PON3: variants seen among roughly 807,000 people sequenced by gnomAD.
PON3 encodes paraoxonase 3.
A neutral mutation model predicts 36.3 loss-of-function variants in PON3; 37 were observed. That is an observed-to-expected ratio of 1.02 (90% CI 0.78 to 1.34). The LOEUF (loss-of-function observed/expected upper bound fraction) is 1.34, where lower values mean the gene tolerates loss of function less well. PON3 is among the 40% of genes most tolerant of loss of function. PON3 has a pLI of 0.00. For missense variants in PON3, 415 were observed against 426.5 expected (o/e 0.97, Z 0.24); for synonymous variants, 155 against 154.8 (o/e 1.00, Z -0.01).
intron 7 of PON3, 94 bp from the exon 8 acceptor site, chr7:95,362,584 A>G: frequency 6.3e-7 from 1 of 1,580,596 alleles, no homozygotes; most frequent in Non-Finnish European, 8.7e-7. Flanking sequence ...TTCTTCTGGC[A>G]CCTAAAGTTG....
intron 4 of PON3, among the ~76,000 whole-genome samples, chr7:95,371,803 A>C (rs1254150224): frequency 6.6e-6 from 1 of 151,980 alleles, no homozygotes; most frequent in Non-Finnish European, 1.5e-5. Flanking sequence ...TGATGAGTCT[A>C]ATTTGTTTTT....
chr7:95,366,605 T>C (rs1243304134), intron 5 of PON3, among the ~76,000 whole-genome samples: 1 of 152,234 alleles, frequency 6.6e-6, no homozygotes, highest in Non-Finnish European at 1.5e-5. Flanking sequence ...CTTTATTGTT[T>C]GCTACAGCCT....
intron 3 of PON3, among the ~76,000 whole-genome samples, chr7:95,388,762 A>T (rs1247021744): frequency 1.3e-5 from 2 of 152,234 alleles, no homozygotes; most frequent in African/African-American, 4.8e-5. Flanking sequence ...TGCAGCCATA[A>T]AAGAGGATGA....
At chr7:95,364,913 A>G (rs1405160614) in intron 5 of PON3, 2 of 152,210 alleles carry the variant, frequency 1.3e-5, no homozygotes. Flanking sequence ...AAAGAAAAAA[A>G]AAGTGACTTG....
chr7:95,387,361 T>G (rs1809219505), intron 3 of PON3, among the ~76,000 whole-genome samples: 1 of 152,172 alleles, frequency 6.6e-6, no homozygotes, highest in Admixed American at 6.6e-5. Context: ...GAGCCAATCA[T>G]GAGTGAACTC....
intron 8 of PON3, among the ~76,000 whole-genome samples, chr7:95,361,966 C>T (rs146972483): frequency 1.3e-4 from 20 of 152,148 alleles, no homozygotes; most frequent in East Asian, 1.2e-3. Context: ...TATTTTGAGG[C>T]GACAGTTATT....
chr7:95,367,338 C>T (rs773665021), intron 5 of PON3, 24 bp downstream of exon 5: 4 of 1,608,764 alleles, frequency 2.5e-6, no homozygotes, highest in Non-Finnish European at 3.4e-6. Flanking sequence ...GTAAATAGAA[C>T]CGCACAATAC....
rs1253615351 is a variant in PON3 at position 95,372,045 on chromosome 7, T to TA, written c.367+127dup. 5 of 1,196,052 alleles carry TA rather than the reference T, an allele frequency of 4.2e-6. No homozygotes were observed. The East Asian group carries it at 9.7e-5, about 23-fold the overall frequency. The allele number at this position is 1,196,052 out of a possible 1,614,324, so 74.1% of individuals were successfully genotyped here. A position where few individuals can be genotyped will look rare whatever the true frequency, so the allele number is the denominator to read the frequency against. On this transcript the variant is annotated intron_variant, in intron 4 of 8. Transcript: ENST00000265627. ...CAAGGTTTTATACCTATTTATCATTTAAAAAAAACACATCTGTATGGTAAA... is the reference window on the plus strand; with the variant it reads ...CAAGGTTTTATACCTATTTATCATTTAAAAAAAAACACATCTGTATGGTAAA...
intron 2 of PON3, among the ~76,000 whole-genome samples, chr7:95,394,048 C>T (rs949422840): frequency 6.6e-6 from 1 of 152,042 alleles, no homozygotes; most frequent in African/African-American, 2.4e-5. Context: ...AGGCACACGC[C>T]GCCAACATGC....
chr7:95,374,406 G>C (rs1585723787), intron 3 of PON3, among the ~76,000 whole-genome samples: 1 of 151,872 alleles, frequency 6.6e-6, no homozygotes, highest in African/African-American at 2.4e-5. Context: ...CTGTTCTCTA[G>C]GGTCTGTCTC....
chr7:95,380,040 T>C (rs191698369), intron 3 of PON3, among the ~76,000 whole-genome samples: 2 of 152,266 alleles, frequency 1.3e-5, no homozygotes, highest in East Asian at 3.9e-4. Context: ...ACATTTGCTG[T>C]TCAGCAATAT....
chr7:95,394,070 T>C (rs1809377375), intron 2 of PON3, among the ~76,000 whole-genome samples: 2 of 151,936 alleles, frequency 1.3e-5, no homozygotes, highest in African/African-American at 4.8e-5. Context: ...CGGCTAATTG[T>C]TATATTTTTA....
At chr7:95,366,683 G>C (rs928517404) in intron 5 of PON3, among the ~76,000 whole-genome samples, 8 of 152,282 alleles carry the variant, frequency 5.3e-5, no homozygotes, top group African/African-American at 1.7e-4. Flanking sequence ...GATGTTCATT[G>C]CAATTGAGAG....
chr7:95,389,812 C>G (rs1464745183), intron 3 of PON3, among the ~76,000 whole-genome samples: 3 of 152,138 alleles, frequency 2.0e-5, no homozygotes, highest in Admixed American at 1.3e-4. Flanking sequence ...CTACCAGAAG[C>G]GGAAGCCCAG....
chr7:95,396,246 G>C, intron 1 of PON3, 31 bp downstream of exon 1: 1 of 1,610,410 alleles, frequency 6.2e-7, no homozygotes, highest in South Asian at 1.1e-5. Flanking sequence ...GAGAAAGAGA[G>C]TCGAAGACGC....
At chr7:95,371,207 A>G (rs1016173390) in intron 4 of PON3, among the ~76,000 whole-genome samples, 7 of 152,098 alleles carry the variant, frequency 4.6e-5, no homozygotes, top group Non-Finnish European at 7.4e-5. Context: ...CAGTTGATAG[A>G]CATTTGGGTT....
intron 7 of PON3, 23 bp downstream of exon 7, chr7:95,362,737 T>C: frequency 6.4e-7 from 1 of 1,565,806 alleles, no homozygotes; most frequent in Non-Finnish European, 8.8e-7. Flanking sequence ...TCAGATTGTG[T>C]GGGCCAGACA....
chr7:95,390,714 A>C (rs1809299214), intron 2 of PON3, among the ~76,000 whole-genome samples: 1 of 152,234 alleles, frequency 6.6e-6, no homozygotes, highest in South Asian at 2.1e-4. Context: ...AATGAGTATA[A>C]ATGAATATGA....
intron 3 of PON3, among the ~76,000 whole-genome samples, chr7:95,383,294 A>C (rs1374081801): frequency 6.6e-6 from 1 of 152,228 alleles, no homozygotes; most frequent in African/African-American, 2.4e-5. Context: ...AACCAGCACA[A>C]GACAGGGATG....
Sources: allele counts gnomAD v4.1 joint callset (sites outside exome capture counted in the v4.1 genomes callset), GRCh38; gene constraint gnomAD v4.1.1; transcripts MANE v1.5; gene names NCBI Gene and HGNC (gene_info 2026-07-23, HGNC 2026-07-21).